FAM193A: variants seen among roughly 807,000 people sequenced by gnomAD.
FAM193A encodes protein FAM193A.
Under a neutral mutation model 126.5 loss-of-function variants are expected in FAM193A, and 22 were observed. The ratio of observed to expected loss-of-function variants is 0.17; its 90% CI spans 0.12 to 0.25. The LOEUF (loss-of-function observed/expected upper bound fraction) is 0.25, where lower values mean the gene tolerates loss of function less well. Among genes scored for constraint, FAM193A ranks in the 10% least tolerant of loss-of-function variants. The pLI, the probability that FAM193A is intolerant of heterozygous loss-of-function variation, is 1.00. For synonymous variants in FAM193A, 761 were observed against 646.8 expected, an observed-to-expected ratio of 1.18 and a Z score of -2.68; for missense variants, 1,675 against 1,672.8, an observed-to-expected ratio of 1.00 and a Z score of -0.02.
At chr4:2,676,670 C>T (rs1349564533) in intron 13 of FAM193A, among the ~76,000 whole-genome samples, 6 of 152,136 alleles carry the variant, frequency 3.9e-5, no homozygotes, top group South Asian at 2.1e-4. Flanking sequence ...CAGCCAGGCA[C>T]GGTGGCTCAC....
chr4:2,608,259 G>T, intron 2 of FAM193A: 2 of 736,108 alleles, frequency 2.7e-6, no homozygotes, highest in Non-Finnish European at 4.4e-6. Flanking sequence ...ATTCTCTGCA[G>T]CCTTCACCTC....
chr4:2,563,536 A>ATG (rs1738756651), intron 1 of FAM193A, among the ~76,000 whole-genome samples: 3 of 149,618 alleles, frequency 2.0e-5, no homozygotes, highest in South Asian at 4.2e-4. Context: ...AAAAAAAAAC[A>ATG]AAAAAAAAAA....
In FAM193A at chr4:2,699,436, A is replaced by ACCC. The variant is rs111815931; in HGVS notation, c.3508-235_3508-233dup. On this transcript the variant is annotated intron_variant, in intron 18 of 20. Coordinates refer to ENST00000637812, the MANE Select transcript of FAM193A (RefSeq NM_001366318.2). ...TATCGGGAATTTTTTGTTAACTACC[A>ACCC]CCCCCCCCCCCACACACACACACAC... 2.1e-3 allele frequency among the ~76,000 whole-genome samples: 131 copies of ACCC among 61,070 alleles called. 16 individuals carry two copies. Among genetic ancestry groups the ACCC allele is most frequent in the South Asian group, 0.014 (17 of 1,220 alleles). The allele number at this position is 61,070 out of a possible 152,430, so 40.1% of individuals were successfully genotyped here.
At position 2,650,477 on chromosome 4, in the gene FAM193A, C is replaced by T. The variant is rs922609398; in HGVS notation, c.1311+3645C>T. Among the ~76,000 whole-genome samples the T allele has an allele frequency of 1.7e-4, 26 of 152,292 alleles. 1 individual carries two copies. Among genetic ancestry groups the T allele is most frequent in the Admixed American group, 1.2e-3 (18 of 15,290 alleles). ...GTCACCGGGGCTCAAGGGAACGAAG[C>T]GCACCTGCTCTGGCCTCACGGGTGC... On this transcript the variant is annotated intron_variant, in intron 7 of 20. Coordinates refer to ENST00000637812, the MANE Select transcript of FAM193A (RefSeq NM_001366318.2).
chr4:2,711,452 GTC>G (rs1718964570), intron 19 of FAM193A, among the ~76,000 whole-genome samples: 1 of 151,328 alleles, frequency 6.6e-6, no homozygotes, highest in African/African-American at 2.4e-5. Context: ...CAATTCTCCT[GTC>G]TCAGCCTCCC....
chr4:2,567,372 A>T (rs1046929725), intron 1 of FAM193A, among the ~76,000 whole-genome samples: 6 of 152,204 alleles, frequency 3.9e-5, no homozygotes, highest in Admixed American at 3.9e-4. Context: ...CTACTTCGCT[A>T]TATGTATCTT....
At chr4:2,665,460 A>G (rs772307482) in intron 12 of FAM193A, among the ~76,000 whole-genome samples, 3 of 152,110 alleles carry the variant, frequency 2.0e-5, no homozygotes, top group Admixed American at 1.3e-4. Flanking sequence ...TCTGGATGCA[A>G]TGCTTTTAAT....
chr4:2,632,287 C>G, intron 5 of FAM193A, among the ~76,000 whole-genome samples: 1 of 152,196 alleles, frequency 6.6e-6, no homozygotes, highest in Non-Finnish European at 1.5e-5. Context: ...ACATACAGCC[C>G]GGGTGTGGTG....
intron 13 of FAM193A, among the ~76,000 whole-genome samples, chr4:2,679,072 T>C (rs1420017272): frequency 6.6e-6 from 1 of 152,202 alleles, no homozygotes; most frequent in African/African-American, 2.4e-5. Context: ...GCTTTTATTA[T>C]GTTTTGGTAG....
At chr4:2,675,460 C>T (rs1235753290) in intron 13 of FAM193A, among the ~76,000 whole-genome samples, 2 of 152,166 alleles carry the variant, frequency 1.3e-5, no homozygotes, top group Non-Finnish European at 2.9e-5. Flanking sequence ...AGAATTGTTA[C>T]GTCGTCTTGG....
intron 6 of FAM193A, among the ~76,000 whole-genome samples, chr4:2,645,497 C>T (rs1056228282): frequency 2.6e-5 from 4 of 151,936 alleles, no homozygotes; most frequent in African/African-American, 9.7e-5. Flanking sequence ...TCTCATTTTC[C>T]ATCTTGCCAT....
intron 19 of FAM193A, among the ~76,000 whole-genome samples, chr4:2,704,014 T>G (rs1294579992): frequency 6.6e-6 from 1 of 152,010 alleles, no homozygotes; most frequent in Non-Finnish European, 1.5e-5. Flanking sequence ...ACGCCTGTTA[T>G]CCCAACATGT....
At chr4:2,629,812 G>A (rs1240427777) in intron 4 of FAM193A, among the ~76,000 whole-genome samples, 2 of 152,262 alleles carry the variant, frequency 1.3e-5, no homozygotes, top group African/African-American at 2.4e-5. Flanking sequence ...CCATAGCAAT[G>A]CCAGTACTGT....
At chr4:2,642,765 TTC>T (rs1490129392) in intron 6 of FAM193A, among the ~76,000 whole-genome samples, 1 of 150,172 alleles carries the variant, frequency 6.7e-6, no homozygotes, top group Non-Finnish European at 1.5e-5. Context: ...CAGAGTCTTG[TTC>T]TGTCGCCCAG....
intron 1 of FAM193A, among the ~76,000 whole-genome samples, chr4:2,588,626 C>G (rs561577776): frequency 2.7e-4 from 41 of 152,228 alleles, no homozygotes; most frequent in Admixed American, 2.1e-3. Context: ...CTTCAGGTCA[C>G]TTAATTTTGA....
At chr4:2,574,785 A>C (rs188209294) in intron 1 of FAM193A, among the ~76,000 whole-genome samples, 1 of 152,360 alleles carries the variant, frequency 6.6e-6, no homozygotes, top group East Asian at 1.9e-4. Flanking sequence ...AATTAATTAA[A>C]AAGAAACATT....
intron 13 of FAM193A, among the ~76,000 whole-genome samples, chr4:2,686,763 C>T (rs10937923): frequency 1.2e-4 from 19 of 152,106 alleles, no homozygotes; most frequent in Non-Finnish European, 2.5e-4. Context: ...CCAGCTGGGC[C>T]GGCACAATGG....
chr4:2,592,882 T>C (rs1198412553), intron 1 of FAM193A, among the ~76,000 whole-genome samples: 1 of 152,150 alleles, frequency 6.6e-6, no homozygotes, highest in African/African-American at 2.4e-5. Flanking sequence ...GGGACAAACC[T>C]TGCAGCTCAC....
At chr4:2,540,104 G>A (rs889168289) in intron 1 of FAM193A, among the ~76,000 whole-genome samples, 2 of 143,122 alleles carry the variant, frequency 1.4e-5, no homozygotes, top group Non-Finnish European at 3.1e-5. Context: ...GGCAACAAGA[G>A]TGAAACTCTG....
Sources: gnomAD v4.1 joint callset for allele counts (sites outside exome capture counted in the v4.1 genomes callset) on GRCh38, gnomAD v4.1.1 for gene constraint, MANE v1.5 for transcripts, NCBI Gene and HGNC (gene_info 2026-07-23, HGNC 2026-07-21) for gene names.